The following MFHAS1 variants were observed in gnomAD, a reference collection of about 807,000 sequenced individuals.
MFHAS1 encodes the protein malignant fibrous histiocytoma-amplified sequence 1.
Under a neutral mutation model 70.4 loss-of-function variants are expected in MFHAS1, and 50 were observed. The observed-to-expected ratio is 0.71, with a 90% CI of 0.57 to 0.90. The LOEUF is 0.90. Ranked by LOEUF, MFHAS1 falls within the 40% of genes least tolerant of loss-of-function variation. The probability of loss-of-function intolerance (pLI) is 0.00; values close to 1 mark genes in which losing one functional copy is unlikely to be tolerated. For synonymous variants in MFHAS1, 952 were observed against 620.0 expected (o/e 1.54, Z -7.96); for missense variants, 1,795 against 1,347.6 (o/e 1.33, Z -5.20).
At chr8:8,861,160 C>T (rs969015069) in intron 1 of MFHAS1, among the ~76,000 whole-genome samples, 4 of 152,112 alleles carry the variant, frequency 2.6e-5, no homozygotes, top group African/African-American at 4.8e-5. Flanking sequence ...AAACATCTAC[C>T]GAACTGAATT....
intron 1 of MFHAS1, among the ~76,000 whole-genome samples, chr8:8,862,680 T>G (rs79557264): frequency 6.6e-6 from 1 of 152,160 alleles, no homozygotes; most frequent in Non-Finnish European, 1.5e-5. Flanking sequence ...TCCAAACTCA[T>G]AGAACACTAA....
At chr8:8,827,944 T>C (rs926688610) in intron 1 of MFHAS1, among the ~76,000 whole-genome samples, 7 of 152,210 alleles carry the variant, frequency 4.6e-5, no homozygotes, top group Non-Finnish European at 4.4e-5. Context: ...TGTAGTTTAT[T>C]TTTATCTAAG....
intron 2 of MFHAS1, among the ~76,000 whole-genome samples, chr8:8,793,783 C>G (rs965894922): frequency 6.6e-6 from 1 of 152,236 alleles, no homozygotes; most frequent in Non-Finnish European, 1.5e-5. Flanking sequence ...ACTGAACCAT[C>G]AGAAAGTCGT....
chr8:8,852,265 G>C (rs895090790), intron 1 of MFHAS1, among the ~76,000 whole-genome samples: 1 of 152,162 alleles, frequency 6.6e-6, no homozygotes, highest in African/African-American at 2.4e-5. Flanking sequence ...CTTGAGGTCA[G>C]GAATTCGAGA....
intron 1 of MFHAS1, among the ~76,000 whole-genome samples, chr8:8,861,370 T>C (rs1035095535): frequency 1.3e-5 from 2 of 152,340 alleles, no homozygotes; most frequent in Admixed American, 1.3e-4. Context: ...AACAATTTCA[T>C]GTGGTTCAGT....
intron 1 of MFHAS1, among the ~76,000 whole-genome samples, chr8:8,816,769 T>C (rs1447492918): frequency 1.3e-5 from 2 of 152,182 alleles, no homozygotes; most frequent in African/African-American, 2.4e-5. Flanking sequence ...ACATAGTTGA[T>C]GGTTATAAAC....
chr8:8,803,091 T>C (rs941688821), intron 1 of MFHAS1, among the ~76,000 whole-genome samples: 4 of 152,186 alleles, frequency 2.6e-5, no homozygotes, highest in African/African-American at 9.6e-5. Context: ...TCCCCAAAAC[T>C]GTAGGGATGT....
intron 1 of MFHAS1, among the ~76,000 whole-genome samples, chr8:8,874,344 AC>A (rs1490675712): frequency 4.1e-5 from 6 of 145,238 alleles, no homozygotes; most frequent in Non-Finnish European, 7.4e-5. Context: ...ACACACACAC[AC>A]ACACACACAC....
Position 8,890,830 on chromosome 8 carries a change from C to CCT in MFHAS1, c.2227_2228dup (p.Asp744GlyfsTer12). The CCT allele has an allele frequency of 3.1e-6, 5 of 1,614,240 alleles. No individual in the cohort carries two copies. Among genetic ancestry groups the CCT allele is most frequent in the Non-Finnish European group, 4.2e-6 (5 of 1,180,052 alleles). On this transcript the variant is annotated frameshift_variant, in exon 1 of 3. Transcript: ENST00000276282. LOFTEE classifies it high-confidence loss of function. ...GCTTATGCAGCAGCAAAGAGGGATC[C>CCT]CTCTGGAAGAAGACATTGAGGATGT...
At chr8:8,816,915 C>T (rs567188659) in intron 1 of MFHAS1, among the ~76,000 whole-genome samples, 12 of 152,322 alleles carry the variant, frequency 7.9e-5, no homozygotes, top group South Asian at 6.2e-4. Flanking sequence ...CATATATAAG[C>T]GTGGCTTCTT....
At chr8:8,850,231 C>A (rs1449362650) in intron 1 of MFHAS1, among the ~76,000 whole-genome samples, 2 of 152,120 alleles carry the variant, frequency 1.3e-5, no homozygotes, top group African/African-American at 2.4e-5. Context: ...TCAGCTACAC[C>A]CCTTGGTAAA....
intron 1 of MFHAS1, among the ~76,000 whole-genome samples, chr8:8,874,052 C>T (rs916314186): frequency 3.9e-5 from 6 of 152,168 alleles, no homozygotes; most frequent in African/African-American, 7.2e-5. Context: ...AATCACAAAG[C>T]GAAGCCTTCA....
At chr8:8,819,412 T>A (rs1806863296) in intron 1 of MFHAS1, among the ~76,000 whole-genome samples, 1 of 152,082 alleles carries the variant, frequency 6.6e-6, no homozygotes, top group African/African-American at 2.4e-5. Context: ...GAGACCATCC[T>A]GGCTAACAGG....
intron 1 of MFHAS1, among the ~76,000 whole-genome samples, chr8:8,829,638 G>A (rs1305174466): frequency 6.6e-6 from 1 of 152,158 alleles, no homozygotes; most frequent in Admixed American, 6.5e-5. Context: ...CCGAGATCAC[G>A]CCACTGCACT....
At chr8:8,879,811 G>C (rs1406027306) in intron 1 of MFHAS1, among the ~76,000 whole-genome samples, 2 of 152,150 alleles carry the variant, frequency 1.3e-5, no homozygotes, top group Admixed American at 1.3e-4. Context: ...ACAAACTTCT[G>C]TATAGAGCAG....
At chr8:8,888,454 G>C (rs952963728) in intron 1 of MFHAS1, among the ~76,000 whole-genome samples, 2 of 151,882 alleles carry the variant, frequency 1.3e-5, no homozygotes, top group Admixed American at 6.6e-5. Context: ...TGTTCTGTCT[G>C]GTTTGTGCTT....
At chr8:8,821,518 C>G (rs1352264291) in intron 1 of MFHAS1, among the ~76,000 whole-genome samples, 2 of 152,152 alleles carry the variant, frequency 1.3e-5, no homozygotes, top group Non-Finnish European at 2.9e-5. Context: ...AAATACCAGT[C>G]AATCATCACT....
Position 8,891,508 on chromosome 8 carries a change from G to A in MFHAS1, c.1551C>T (p.Gly517=). ...YEPRHFPTTV[G]SFLHRVGARV... Reference sequence around the variant, plus strand: ...TCGCCCCGACCCGATGCAAGAAGGAGCCCACGGTGGTAGGAAAGTGGCGAG... The same window carrying A: ...TCGCCCCGACCCGATGCAAGAAGGAACCCACGGTGGTAGGAAAGTGGCGAG... Residue 517 remains glycine, a synonymous_variant, in exon 1 of 3, where the codon GGC becomes GGT. Coordinates refer to ENST00000276282, the MANE Select transcript of MFHAS1 (RefSeq NM_004225.3). This position sits in a 1 kb window ranked among gnomAD's most constrained non-coding sequence, Gnocchi z 5.4. 6.2e-7 allele frequency: 1 copy of A among 1,613,096 alleles called. No individual in the cohort carries two copies. Among genetic ancestry groups the A allele is most frequent in the Non-Finnish European group, 8.5e-7 (1 of 1,180,032 alleles).
intron 1 of MFHAS1, among the ~76,000 whole-genome samples, chr8:8,803,103 G>A (rs537987676): frequency 6.6e-6 from 1 of 152,302 alleles, no homozygotes; most frequent in South Asian, 2.1e-4. Flanking sequence ...TAGGGATGTT[G>A]CATTCTTCCT....
Sources: allele counts gnomAD v4.1 joint callset (sites outside exome capture counted in the v4.1 genomes callset), GRCh38; gene constraint gnomAD v4.1.1; non-coding constraint Gnocchi (gnomAD v3.1); transcripts MANE v1.5; gene names NCBI Gene and HGNC (gene_info 2026-07-23, HGNC 2026-07-21).